Variants in SORCS2 observed in about 807,000 individuals in gnomAD.
SORCS2 encodes the protein VPS10 domain-containing receptor SorCS2.
SORCS2 carries 100 observed loss-of-function variants against 141.6 expected under a neutral mutation model. The observed-to-expected ratio is 0.71, with a 90% CI of 0.60 to 0.83. SORCS2 has a LOEUF of 0.83. Among genes scored for constraint, SORCS2 ranks in the 40% least tolerant of loss-of-function variants. The pLI is 0.00. For missense variants in SORCS2, 1,646 were observed against 1,560.2 expected (o/e 1.05, Z -0.93); for synonymous variants, 789 against 676.9 (o/e 1.17, Z -2.57).
At chr4:7,328,018 C>CTTTTTTTTTTT (rs60976971) in intron 1 of SORCS2, among the ~76,000 whole-genome samples, 5 of 88,698 alleles carry the variant, frequency 5.6e-5, no homozygotes, top group African/African-American at 1.7e-4. Flanking sequence ...TCGTGCTAGG[C>CTTTTTTTTTTT]TTTTTTTTTT....
intron 3 of SORCS2, among the ~76,000 whole-genome samples, chr4:7,629,737 G>A (rs61574353): frequency 0.32 from 47,747 of 151,368 alleles, 8,320 homozygotes; most frequent in East Asian, 0.74. Flanking sequence ...TTTCCTCTCC[G>A]AGCCCAGCCC....
chr4:7,693,192 T>A (rs1577080963), intron 11 of SORCS2, among the ~76,000 whole-genome samples: 1 of 151,880 alleles, frequency 6.6e-6, no homozygotes, highest in East Asian at 2.0e-4. Flanking sequence ...TTCTTCCTCA[T>A]CTTCACCCTT....
intron 2 of SORCS2, among the ~76,000 whole-genome samples, chr4:7,496,175 A>AG (rs1409365319): frequency 6.6e-6 from 1 of 152,056 alleles, no homozygotes; most frequent in Non-Finnish European, 1.5e-5. Context: ...GAAGGGAGGG[A>AG]GGAGACCAAA....
chr4:7,619,534 T>TCTTCTGCC (rs1255212428), intron 3 of SORCS2, among the ~76,000 whole-genome samples: 1 of 152,094 alleles, frequency 6.6e-6, no homozygotes. Flanking sequence ...ATGTGCAGGG[T>TCTTCTGCC]CTTCTGCCCT....
intron 1 of SORCS2, among the ~76,000 whole-genome samples, chr4:7,356,791 T>C (rs1721277267): frequency 6.6e-6 from 1 of 152,196 alleles, no homozygotes; most frequent in Non-Finnish European, 1.5e-5. Flanking sequence ...ACCTGGCACC[T>C]AGTGACTCTT....
intron 4 of SORCS2, among the ~76,000 whole-genome samples, chr4:7,640,143 G>A (rs1463477969): frequency 6.6e-6 from 1 of 151,648 alleles, no homozygotes; most frequent in East Asian, 2.0e-4. Flanking sequence ...GAGTGTACAT[G>A]AGTGTGTGGT....
Position 7,627,405 on chromosome 4 carries a change from C to A in SORCS2, c.649-10923C>A, listed in dbSNP as rs182937764. ...GGATGGGTGATGCTGCCTGCCCAAG[C>A]CCTGGCATCAGTCTGCTTGCCTCCC... is the stretch of plus-strand genomic sequence containing the variant. On this transcript the variant is annotated intron_variant, in intron 3 of 26. Transcript: ENST00000507866. 6.6e-5 allele frequency among the ~76,000 whole-genome samples: 10 copies of A among 152,292 alleles called. No homozygotes were observed. The East Asian group carries it at 1.9e-3, about 29-fold the overall frequency.
chr4:7,299,157 T>C (rs2108895174), intron 1 of SORCS2, among the ~76,000 whole-genome samples: 1 of 152,344 alleles, frequency 6.6e-6, no homozygotes, highest in South Asian at 2.1e-4. Context: ...TGAATAGGGA[T>C]GCTTTGCAGT....
chr4:7,487,814 G>T (rs1453891117), intron 2 of SORCS2, among the ~76,000 whole-genome samples: 2 of 152,166 alleles, frequency 1.3e-5, no homozygotes, highest in African/African-American at 4.8e-5. Flanking sequence ...GAGGGCTCTG[G>T]CTGTGTGCTC....
Position 7,529,547 on chromosome 4 carries a change from GC to G in SORCS2, c.549-1982del, listed in dbSNP as rs146457004. Among the ~76,000 whole-genome samples, 14 of 152,292 alleles carry G rather than the reference GC, an allele frequency of 9.2e-5. No homozygotes were observed. The East Asian group carries it at 2.7e-3, about 29-fold the overall frequency. On this transcript the variant is annotated intron_variant, in intron 2 of 26. Transcript: ENST00000507866. ...GGACTGAGGCCAGGCTGGATGCTGG[GC>G]TAAGGCGAGCAGAGCTGGGAGTGAA...
At chr4:7,517,943 G>A (rs1373441692) in intron 2 of SORCS2, among the ~76,000 whole-genome samples, 3 of 152,200 alleles carry the variant, frequency 2.0e-5, no homozygotes, top group African/African-American at 7.2e-5. Context: ...TGTCAATAAT[G>A]CCACACACGC....
At chr4:7,578,662 G>A (rs1715934849) in intron 3 of SORCS2, among the ~76,000 whole-genome samples, 3 of 152,168 alleles carry the variant, frequency 2.0e-5, no homozygotes, top group African/African-American at 7.2e-5. Context: ...CGCAGCTGGG[G>A]CAGGCCGCCT....
chr4:7,223,618 A>C (rs1728839192), intron 1 of SORCS2, among the ~76,000 whole-genome samples: 1 of 152,146 alleles, frequency 6.6e-6, no homozygotes, highest in Non-Finnish European at 1.5e-5. Context: ...GCGTGTACTC[A>C]GTGCCCATAC....
chr4:7,401,955 A>G (rs999514098), intron 2 of SORCS2, among the ~76,000 whole-genome samples: 1 of 152,238 alleles, frequency 6.6e-6, no homozygotes, highest in Non-Finnish European at 1.5e-5. Flanking sequence ...GGTAGGACAC[A>G]TGCCCAGGTA....
intron 1 of SORCS2, among the ~76,000 whole-genome samples, chr4:7,277,626 T>A (rs1053048319): frequency 6.6e-6 from 1 of 151,710 alleles, no homozygotes; most frequent in Non-Finnish European, 1.5e-5. Flanking sequence ...ACGGGGGAGA[T>A]GAATTGCTGC....
intron 18 of SORCS2, among the ~76,000 whole-genome samples, chr4:7,720,250 A>G (rs1371614171): frequency 4.6e-5 from 7 of 152,204 alleles, no homozygotes; most frequent in African/African-American, 1.4e-4. Context: ...ATAAACCCAT[A>G]TAAATATGGC....
chr4:7,439,288 G>A (rs963125397), intron 2 of SORCS2, among the ~76,000 whole-genome samples: 2 of 152,120 alleles, frequency 1.3e-5, no homozygotes, highest in Non-Finnish European at 2.9e-5. Context: ...ACTCAGTGCA[G>A]TGTAACTCCC....
At chr4:7,241,622 G>T (rs1473904788) in intron 1 of SORCS2, among the ~76,000 whole-genome samples, 1 of 152,158 alleles carries the variant, frequency 6.6e-6, no homozygotes, top group Non-Finnish European at 1.5e-5. Context: ...GAGGCAATTT[G>T]CAGTGAGAAA....
intron 1 of SORCS2, among the ~76,000 whole-genome samples, chr4:7,252,640 C>T (rs1430505735): frequency 6.6e-6 from 1 of 152,072 alleles, no homozygotes. Flanking sequence ...CCTGAGTGAC[C>T]GTGCAATTCA....
Sources: gnomAD v4.1 joint callset for allele counts (sites outside exome capture counted in the v4.1 genomes callset) on GRCh38, gnomAD v4.1.1 for gene constraint, MANE v1.5 for transcripts, NCBI Gene and HGNC (gene_info 2026-07-23, HGNC 2026-07-21) for gene names.